The following PCDH9 variants were observed in gnomAD, a reference collection of about 807,000 sequenced individuals.
PCDH9 encodes the protein protocadherin 9, also known as protocadherin-9.
PCDH9 carries 24 observed loss-of-function variants against 70.6 expected under a neutral mutation model. The ratio of observed to expected loss-of-function variants is 0.34; its 90% CI spans 0.25 to 0.48. PCDH9 has a LOEUF of 0.48. Ranked by LOEUF, PCDH9 falls within the 20% of genes least tolerant of loss-of-function variation. The probability of loss-of-function intolerance (pLI) is 0.99; values close to 1 mark genes in which losing one functional copy is unlikely to be tolerated. For missense variants in PCDH9, 1,281 were observed against 1,503.6 expected, an observed-to-expected ratio of 0.85 and a Z score of 2.45; for synonymous variants, 562 against 558.5, an observed-to-expected ratio of 1.01 and a Z score of -0.09.
At chr13:66,445,868 A>T (rs909897873) in intron 4 of PCDH9, among the ~76,000 whole-genome samples, 9 of 149,928 alleles carry the variant, frequency 6.0e-5, no homozygotes, top group African/African-American at 2.2e-4. Flanking sequence ...AGAAAAAAAT[A>T]TATATCTATA....
rs190686312 is a variant in PCDH9 at position 67,191,899 on chromosome 13, C to T, written c.3036+33506G>A. Reference sequence around the variant, plus strand: ...CTGAACCACTTGCTTTCAATATGATCCTAAACAAGCCACTTTAGTACTCTG... The same window carrying T: ...CTGAACCACTTGCTTTCAATATGATTCTAAACAAGCCACTTTAGTACTCTG... On this transcript the variant is annotated intron_variant, in intron 2 of 4. Transcript: ENST00000377865. Among the ~76,000 whole-genome samples, 1,276 of 152,062 alleles carry T rather than the reference C, an allele frequency of 8.4e-3. 18 individuals carry two copies. Among genetic ancestry groups the T allele is most frequent in the South Asian group, 0.043 (209 of 4,816 alleles).
At chr13:66,361,302 G>T (rs1427173099) in intron 4 of PCDH9, among the ~76,000 whole-genome samples, 1 of 152,102 alleles carries the variant, frequency 6.6e-6, no homozygotes, top group East Asian at 1.9e-4. Flanking sequence ...CTAATTAAAT[G>T]AGTTAAAATG....
chr13:66,991,574 T>A (rs986832484), intron 2 of PCDH9, among the ~76,000 whole-genome samples: 1 of 152,116 alleles, frequency 6.6e-6, no homozygotes, highest in Non-Finnish European at 1.5e-5. Context: ...TTCTTCAAAT[T>A]TGACTTATAT....
intron 2 of PCDH9, among the ~76,000 whole-genome samples, chr13:67,136,404 GA>G (rs1299772327): frequency 6.6e-6 from 1 of 152,166 alleles, no homozygotes; most frequent in African/African-American, 2.4e-5. Flanking sequence ...ATAAGGTGGG[GA>G]AGAATCAACC....
chr13:66,425,688 G>A (rs1455611371), intron 4 of PCDH9, among the ~76,000 whole-genome samples: 2 of 151,784 alleles, frequency 1.3e-5, no homozygotes, highest in Admixed American at 1.3e-4. Context: ...AGGTCATCAG[G>A]ATTATCTATC....
intron 4 of PCDH9, among the ~76,000 whole-genome samples, chr13:66,541,394 T>C (rs1404584927): frequency 4.6e-5 from 7 of 152,232 alleles, no homozygotes; most frequent in Admixed American, 6.5e-5. Context: ...TAAAACAACA[T>C]AAATTTATTC....
At chr13:67,211,593 T>C (rs1018326182) in intron 2 of PCDH9, 2 of 152,232 alleles carry the variant, frequency 1.3e-5, no homozygotes, top group South Asian at 4.1e-4. Flanking sequence ...GTCTTGGCTG[T>C]AATAGCCGAA....
chr13:66,306,765 A>G (rs1334396), intron 4 of PCDH9, among the ~76,000 whole-genome samples: 100,524 of 151,638 alleles, frequency 0.66, 34,480 homozygotes, highest in Non-Finnish European at 0.77. Flanking sequence ...TTCCTCTCAC[A>G]TACCTCCAAT....
chr13:66,848,324 C>G (rs1280197204), intron 3 of PCDH9, among the ~76,000 whole-genome samples: 1 of 152,152 alleles, frequency 6.6e-6, no homozygotes. Context: ...TCTGCTTTTG[C>G]TAAAACCAGA....
intron 3 of PCDH9, among the ~76,000 whole-genome samples, chr13:66,787,283 C>T (rs993188540): frequency 2.0e-4 from 31 of 152,112 alleles, no homozygotes; most frequent in African/African-American, 7.0e-4. Flanking sequence ...TAGTATTTTT[C>T]CAAAGTGAAG....
intron 2 of PCDH9, among the ~76,000 whole-genome samples, chr13:67,050,767 T>A (rs1160052299): frequency 6.6e-6 from 1 of 152,084 alleles, no homozygotes; most frequent in Non-Finnish European, 1.5e-5. Flanking sequence ...CTAAAAATCA[T>A]GTCTGTCTGA....
At chr13:66,705,093 G>T (rs1354572780) in intron 3 of PCDH9, among the ~76,000 whole-genome samples, 3 of 152,054 alleles carry the variant, frequency 2.0e-5, no homozygotes, top group Non-Finnish European at 4.4e-5. Flanking sequence ...TCTTGAAATG[G>T]TTACAAAGGG....
At chr13:67,052,096 G>A (rs2085335253) in intron 2 of PCDH9, among the ~76,000 whole-genome samples, 1 of 152,100 alleles carries the variant, frequency 6.6e-6, no homozygotes. Flanking sequence ...TTGGAATTAG[G>A]TGCTTGTGTT....
intron 4 of PCDH9, among the ~76,000 whole-genome samples, chr13:66,468,704 G>A (rs563309499): frequency 6.6e-6 from 1 of 152,028 alleles, no homozygotes; most frequent in South Asian, 2.1e-4. Context: ...AATTGCTTGT[G>A]CACCTCAAAT....
intron 2 of PCDH9, among the ~76,000 whole-genome samples, chr13:67,046,267 C>T (rs2085220315): frequency 6.6e-6 from 1 of 152,148 alleles, no homozygotes; most frequent in Non-Finnish European, 1.5e-5. Context: ...ATGGATTTTA[C>T]ACTCAGTTTT....
chr13:67,184,891 T>C (rs1351358482), intron 2 of PCDH9, among the ~76,000 whole-genome samples: 1 of 152,216 alleles, frequency 6.6e-6, no homozygotes, highest in Admixed American at 6.5e-5. Context: ...AGATTATTCA[T>C]CCTTCAAACC....
Position 66,717,438 on chromosome 13 carries a change from C to A in PCDH9, c.3139-86027G>T, listed in dbSNP as rs1224524080. 1.3e-4 allele frequency among the ~76,000 whole-genome samples: 11 copies of A among 86,958 alleles called. No individual in the cohort carries two copies. In the East Asian group the frequency reaches 3.5e-3, roughly 28 times the overall value. The allele number at this position is 86,958 out of a possible 152,430, so 57.0% of individuals were successfully genotyped here. A position where few individuals can be genotyped will look rare whatever the true frequency, so the allele number is the denominator to read the frequency against. On this transcript the variant is annotated intron_variant, in intron 3 of 4. Transcript: ENST00000377865. Reference sequence around the variant, plus strand: ...CTGCACTCCAGCCTGGGTGACAGAGCAAGACTCTGTCTCAAAAAAAAAAAA... The same window carrying A: ...CTGCACTCCAGCCTGGGTGACAGAGAAAGACTCTGTCTCAAAAAAAAAAAA...
At chr13:66,941,964 T>C (rs1471447000) in intron 2 of PCDH9, among the ~76,000 whole-genome samples, 1 of 151,916 alleles carries the variant, frequency 6.6e-6, no homozygotes, top group African/African-American at 2.4e-5. Context: ...TCACACAAAG[T>C]ATATTATCTG....
intron 3 of PCDH9, among the ~76,000 whole-genome samples, chr13:66,681,674 T>C (rs762688863): frequency 6.6e-6 from 1 of 152,084 alleles, no homozygotes; most frequent in Non-Finnish European, 1.5e-5. Context: ...CTTCCTTTTA[T>C]CATCCAAGTC....
Sources: gnomAD v4.1 joint callset for allele counts (sites outside exome capture counted in the v4.1 genomes callset) on GRCh38, gnomAD v4.1.1 for gene constraint, MANE v1.5 for transcripts, NCBI Gene and HGNC (gene_info 2026-07-23, HGNC 2026-07-21) for gene names.